Variants in TASP1 observed in about 807,000 individuals in gnomAD.
The protein encoded by TASP1 is threonine aspartase 1.
Under a neutral mutation model 56.6 loss-of-function variants are expected in TASP1, and 16 were observed. That is an observed-to-expected ratio of 0.28 (90% CI 0.19 to 0.43). The LOEUF (loss-of-function observed/expected upper bound fraction) is 0.43. Among genes scored for constraint, TASP1 ranks in the 20% least tolerant of loss-of-function variants. The probability of loss-of-function intolerance (pLI) is 1.00; values close to 1 mark genes in which losing one functional copy is unlikely to be tolerated. For missense variants in TASP1, 393 were observed against 511.6 expected (o/e 0.77, Z 2.24); for synonymous variants, 179 against 184.2 (o/e 0.97, Z 0.23).
chr20:13,154,819 T>C, the TASP1 span, among the ~76,000 whole-genome samples: 2 of 152,128 alleles, frequency 1.3e-5, no homozygotes, highest in African/African-American at 4.8e-5. Context: ...GCAGGGACAA[T>C]TTTATACATG....
the TASP1 span, among the ~76,000 whole-genome samples, chr20:13,177,156 G>A: frequency 1.3e-5 from 2 of 151,946 alleles, no homozygotes; most frequent in African/African-American, 2.4e-5. Context: ...CAGGAGAATC[G>A]CTTGAACCCA....
chr20:13,139,865 G>A, the TASP1 span, among the ~76,000 whole-genome samples: 1 of 152,184 alleles, frequency 6.6e-6, no homozygotes, highest in Non-Finnish European at 1.5e-5. Flanking sequence ...GAAAAATAAA[G>A]TCTAAAGGAC....
At chr20:13,346,133 T>G in the TASP1 span, among the ~76,000 whole-genome samples, 1 of 151,230 alleles carries the variant, frequency 6.6e-6, no homozygotes, top group Admixed American at 6.6e-5. Flanking sequence ...AAGAGAGAGG[T>G]GAAGGAAAAA....
At chr20:13,173,605 C>T in the TASP1 span, among the ~76,000 whole-genome samples, 1 of 152,108 alleles carries the variant, frequency 6.6e-6, no homozygotes, top group Admixed American at 6.6e-5. Context: ...GCTGTCCTGG[C>T]CACAAGAACC....
the TASP1 span, among the ~76,000 whole-genome samples, chr20:13,377,474 CCAGT>C: frequency 6.6e-6 from 1 of 152,144 alleles, no homozygotes; most frequent in Non-Finnish European, 1.5e-5. Flanking sequence ...ATTCGGTTTG[CCAGT>C]ATTTTATTGA....
the TASP1 span, among the ~76,000 whole-genome samples, chr20:13,116,479 C>A: frequency 6.6e-6 from 1 of 151,964 alleles, no homozygotes; most frequent in Admixed American, 6.6e-5. Context: ...TCCATTGAGT[C>A]CCAGAGGTGC....
At chr20:13,595,793 C>T (rs1366606307) in intron 4 of TASP1, among the ~76,000 whole-genome samples, 1 of 152,114 alleles carries the variant, frequency 6.6e-6, no homozygotes, top group African/African-American at 2.4e-5. Context: ...TTTAACATCC[C>T]ACTGTCAATA....
the TASP1 span, among the ~76,000 whole-genome samples, chr20:13,259,111 C>G: frequency 6.6e-6 from 1 of 151,950 alleles, no homozygotes. Flanking sequence ...GGTGAAACCC[C>G]GTCTCTACTA....
At chr20:13,383,387 G>C in the TASP1 span, among the ~76,000 whole-genome samples, 3 of 152,204 alleles carry the variant, frequency 2.0e-5, no homozygotes, top group Admixed American at 6.5e-5. Flanking sequence ...TGAATGGATT[G>C]GTTGTAGAAT....
chr20:13,411,410 C>T (rs1427334158), intron 13 of TASP1, among the ~76,000 whole-genome samples: 5 of 152,148 alleles, frequency 3.3e-5, no homozygotes, highest in Non-Finnish European at 5.9e-5. Flanking sequence ...TCTTCTGATC[C>T]ATGAGCATGG....
the TASP1 span, among the ~76,000 whole-genome samples, chr20:13,365,106 G>A: frequency 1.3e-5 from 2 of 152,166 alleles, no homozygotes; most frequent in East Asian, 1.9e-4. Flanking sequence ...TTCATATAAT[G>A]TTTGGCTATA....
At chr20:13,189,382 G>T in the TASP1 span, among the ~76,000 whole-genome samples, 1 of 152,114 alleles carries the variant, frequency 6.6e-6, no homozygotes, top group South Asian at 2.1e-4. Context: ...TACAGAATAG[G>T]AGAAAATATT....
intron 10 of TASP1, among the ~76,000 whole-genome samples, chr20:13,490,727 G>A (rs2043497361): frequency 6.7e-6 from 1 of 150,342 alleles, no homozygotes; most frequent in African/African-American, 2.4e-5. Context: ...AAGGCCTATA[G>A]GGTAAGGGTT....
At chr20:13,182,044 A>G in the TASP1 span, among the ~76,000 whole-genome samples, 38 of 152,340 alleles carry the variant, frequency 2.5e-4, no homozygotes, top group African/African-American at 8.9e-4. Flanking sequence ...TAAAGTTCAC[A>G]TTTAAAGCCC....
chr20:13,456,231 G>A (rs2043828904), intron 11 of TASP1, among the ~76,000 whole-genome samples: 1 of 152,104 alleles, frequency 6.6e-6, no homozygotes, highest in Non-Finnish European at 1.5e-5. Context: ...CTGACTTTCT[G>A]GAGGGCCAAA....
At chr20:13,198,752 T>A in the TASP1 span, among the ~76,000 whole-genome samples, 1 of 152,184 alleles carries the variant, frequency 6.6e-6, no homozygotes, top group East Asian at 1.9e-4. Context: ...GTTCATTGTT[T>A]TTTCTGGGCT....
the TASP1 span, chr20:13,166,801 A>G: frequency 6.6e-6 from 1 of 152,176 alleles, no homozygotes. Flanking sequence ...CTTCACATCT[A>G]CACTTCAAGT....
the TASP1 span, among the ~76,000 whole-genome samples, chr20:13,105,354 C>T: frequency 6.6e-6 from 1 of 152,148 alleles, no homozygotes; most frequent in Non-Finnish European, 1.5e-5. Flanking sequence ...CCAAAAGCCA[C>T]TCCCATGGCT....
intron 12 of TASP1, among the ~76,000 whole-genome samples, 173 bp downstream of exon 12, chr20:13,434,871 T>A (rs1482454510): frequency 1.3e-5 from 2 of 152,178 alleles, no homozygotes; most frequent in African/African-American, 4.8e-5. Context: ...TGAACATTCA[T>A]CTTTTACATG....
Sources: allele counts gnomAD v4.1 joint callset (sites outside exome capture counted in the v4.1 genomes callset), GRCh38; gene constraint gnomAD v4.1.1; transcripts MANE v1.5; gene names NCBI Gene and HGNC (gene_info 2026-07-23, HGNC 2026-07-21).